MARCHF3: variants seen among roughly 807,000 people sequenced by gnomAD.
The protein encoded by MARCHF3 is membrane associated ring-CH-type finger 3.
In MARCHF3, 13 loss-of-function variants were observed where a neutral mutation model predicts 24.2. The observed-to-expected ratio is 0.54, with a 90% CI of 0.35 to 0.85. MARCHF3 has a LOEUF of 0.85. Ranked by LOEUF, MARCHF3 falls within the 40% of genes least tolerant of loss-of-function variation. The pLI is 0.01. For missense variants in MARCHF3, 276 were observed against 325.0 expected (o/e 0.85, Z 1.16); for synonymous variants, 144 against 137.3 (o/e 1.05, Z -0.34).
chr5:126,963,545 C>T lies in MARCHF3; in HGVS notation c.-56-45318G>A, dbSNP rs144063369. ...CCAAGCACTCACATCTTCTGCATGA[C>T]GTAAGAGATATTTGCTACAGAGATT... On this transcript the variant is annotated intron_variant, in intron 1 of 4. Coordinates refer to ENST00000308660, the MANE Select transcript of MARCHF3 (RefSeq NM_178450.5). Among the ~76,000 whole-genome samples the T allele has an allele frequency of 2.7e-3, 408 of 152,154 alleles. 5 individuals carry two copies. Among genetic ancestry groups the T allele is most frequent in the East Asian group, 5.0e-3 (26 of 5,190 alleles).
At chr5:126,964,612 G>A (rs1750743014) in intron 1 of MARCHF3, among the ~76,000 whole-genome samples, 1 of 152,070 alleles carries the variant, frequency 6.6e-6, no homozygotes, top group South Asian at 2.1e-4. Context: ...TTTTCTTGTT[G>A]TCCTACTATG....
intron 3 of MARCHF3, among the ~76,000 whole-genome samples, chr5:126,886,161 G>T (rs950833454): frequency 6.6e-6 from 1 of 152,078 alleles, no homozygotes; most frequent in Admixed American, 6.5e-5. Flanking sequence ...GGAACACCAG[G>T]TGTTGTTATT....
At chr5:127,005,616 A>G (rs1043126262) in intron 1 of MARCHF3, among the ~76,000 whole-genome samples, 2 of 152,118 alleles carry the variant, frequency 1.3e-5, no homozygotes, top group African/African-American at 4.8e-5. Context: ...GAATGTGTGC[A>G]TCATTTTTTC....
intron 1 of MARCHF3, among the ~76,000 whole-genome samples, chr5:126,984,910 A>C (rs1751511056): frequency 1.3e-5 from 2 of 152,224 alleles, no homozygotes; most frequent in South Asian, 2.1e-4. Flanking sequence ...TAGGCACTTA[A>C]GCTGTCAGTG....
At chr5:126,979,780 C>T (rs921779859) in intron 1 of MARCHF3, among the ~76,000 whole-genome samples, 1 of 151,932 alleles carries the variant, frequency 6.6e-6, no homozygotes, top group Non-Finnish European at 1.5e-5. Context: ...GAAACCCTGT[C>T]TCTACTAAAA....
At chr5:126,943,291 TA>T (rs113977271) in intron 1 of MARCHF3, among the ~76,000 whole-genome samples, 4,505 of 149,350 alleles carry the variant, frequency 0.03, 219 homozygotes, top group African/African-American at 0.1. Context: ...TCAATAATAA[TA>T]TTGAGCTGTG....
intron 1 of MARCHF3, among the ~76,000 whole-genome samples, chr5:126,971,717 T>G (rs1218923688): frequency 6.6e-6 from 1 of 152,170 alleles, no homozygotes; most frequent in African/African-American, 2.4e-5. Flanking sequence ...TGTCCATATG[T>G]CCACAAGAGG....
intron 3 of MARCHF3, among the ~76,000 whole-genome samples, chr5:126,914,046 C>T (rs1014551073): frequency 1.5e-5 from 2 of 133,598 alleles, no homozygotes; most frequent in African/African-American, 2.9e-5. Context: ...TGCAGTGGTG[C>T]GATCTGGGCT....
chr5:126,914,062 C>T (rs994755079), intron 3 of MARCHF3, among the ~76,000 whole-genome samples: 128 of 146,094 alleles, frequency 8.8e-4, no homozygotes, highest in African/African-American at 3.0e-3. Flanking sequence ...GGGCTCACTG[C>T]AAGCTCCGCC....
chr5:126,978,648 A>G (rs1413094224), intron 1 of MARCHF3, among the ~76,000 whole-genome samples: 2 of 152,238 alleles, frequency 1.3e-5, no homozygotes, highest in East Asian at 1.9e-4. Flanking sequence ...CGTTTTCTTC[A>G]TTCAACATTC....
chr5:126,981,940 A>T (rs1751409991), intron 1 of MARCHF3, among the ~76,000 whole-genome samples: 1 of 152,166 alleles, frequency 6.6e-6, no homozygotes, highest in South Asian at 2.1e-4. Context: ...GCTTTTTTGG[A>T]AAATATCTAG....
chr5:126,960,950 A>C (rs1227033547), intron 1 of MARCHF3, among the ~76,000 whole-genome samples: 1 of 152,144 alleles, frequency 6.6e-6, no homozygotes, highest in African/African-American at 2.4e-5. Flanking sequence ...TTAGAAGCTA[A>C]GTACTCACTA....
intron 3 of MARCHF3, among the ~76,000 whole-genome samples, chr5:126,892,832 G>T (rs374720288): frequency 3.3e-5 from 5 of 151,022 alleles, no homozygotes; most frequent in Non-Finnish European, 5.9e-5. Flanking sequence ...TTCCCTCTTT[G>T]TCTATTGATT....
At chr5:126,874,960 G>T (rs904742470) in intron 4 of MARCHF3, among the ~76,000 whole-genome samples, 1 of 152,240 alleles carries the variant, frequency 6.6e-6, no homozygotes, top group South Asian at 2.1e-4. Flanking sequence ...TTGAGGAACC[G>T]GGTCGCTCAT....
In MARCHF3 at chr5:126,916,692, G is replaced by GACACACACACACACACACAC. The variant is rs34090036; in HGVS notation, c.188+1272_188+1291dup. ...AAAATACCTGACAGACAGACAGACA[G>GACACACACACACACACACAC]ACACACACACACACACACACACACA... On this transcript the variant is annotated intron_variant, in intron 2 of 4. Transcript: ENST00000308660. Among the ~76,000 whole-genome samples the GACACACACACACACACACAC allele has an allele frequency of 2.7e-3, 355 of 130,540 alleles. 4 individuals carry two copies. Among genetic ancestry groups the GACACACACACACACACACAC allele is most frequent in the Non-Finnish European group, 3.1e-3 (199 of 63,968 alleles). 85.6% of individuals were successfully genotyped at this position (130,540 alleles called of 152,430 possible).
At chr5:126,891,853 G>A (rs1451453500) in intron 3 of MARCHF3, among the ~76,000 whole-genome samples, 2 of 141,914 alleles carry the variant, frequency 1.4e-5, no homozygotes, top group Non-Finnish European at 3.0e-5. Context: ...GATGGGGATG[G>A]CATTGAATCT....
chr5:126,968,600 G>C (rs770009474), intron 1 of MARCHF3, among the ~76,000 whole-genome samples: 6 of 152,186 alleles, frequency 3.9e-5, no homozygotes, highest in Admixed American at 6.5e-5. Context: ...TTTTGAGGCA[G>C]AGTCTCGCTC....
intron 1 of MARCHF3, among the ~76,000 whole-genome samples, chr5:127,024,666 A>T (rs1301365665): frequency 3.3e-5 from 5 of 152,232 alleles, no homozygotes; most frequent in Non-Finnish European, 7.3e-5. Context: ...GCTAGTTCTT[A>T]TCACCACTGT....
At chr5:126,936,180 C>A (rs1749640831) in intron 1 of MARCHF3, among the ~76,000 whole-genome samples, 1 of 152,110 alleles carries the variant, frequency 6.6e-6, no homozygotes, top group African/African-American at 2.4e-5. Context: ...GTATCAATAA[C>A]CTTAAGATGG....
Sources: allele counts gnomAD v4.1 joint callset (sites outside exome capture counted in the v4.1 genomes callset), GRCh38; gene constraint gnomAD v4.1.1; transcripts MANE v1.5; gene names NCBI Gene and HGNC (gene_info 2026-07-23, HGNC 2026-07-21).